Variants in ARHGAP42 observed in about 807,000 individuals in gnomAD.
The protein encoded by ARHGAP42 is rho GTPase-activating protein 42.
Under a neutral mutation model 125.0 loss-of-function variants are expected in ARHGAP42, and 63 were observed. The ratio of observed to expected loss-of-function variants is 0.50; its 90% CI spans 0.41 to 0.62. ARHGAP42 has a LOEUF of 0.62. Ranked by LOEUF, ARHGAP42 falls within the 20% of genes least tolerant of loss-of-function variation. The pLI is 0.00. For missense variants in ARHGAP42, 766 were observed against 1,024.2 expected (o/e 0.75, Z 3.44); for synonymous variants, 339 against 351.0 (o/e 0.97, Z 0.38).
At chr11:100,831,122 G>C (rs925771679) in intron 3 of ARHGAP42, among the ~76,000 whole-genome samples, 2 of 152,028 alleles carry the variant, frequency 1.3e-5, no homozygotes, top group African/African-American at 4.8e-5. Context: ...TTCTAATCAC[G>C]TGAGCTTGGG....
intron 2 of ARHGAP42, among the ~76,000 whole-genome samples, chr11:100,787,819 A>T (rs1355894127): frequency 2.0e-5 from 3 of 152,194 alleles, no homozygotes; most frequent in Non-Finnish European, 4.4e-5. Context: ...GGGAAAGCAT[A>T]AAGAAATCCC....
intron 3 of ARHGAP42, among the ~76,000 whole-genome samples, chr11:100,802,015 T>A (rs1042548264): frequency 6.6e-6 from 1 of 152,222 alleles, no homozygotes; most frequent in East Asian, 1.9e-4. Context: ...CTTAAATGAT[T>A]TGGGTTAGAA....
At chr11:100,979,557 G>C (rs1858478643) in intron 22 of ARHGAP42, among the ~76,000 whole-genome samples, 1 of 152,122 alleles carries the variant, frequency 6.6e-6, no homozygotes, top group African/African-American at 2.4e-5. Context: ...AAGGATATGA[G>C]TTGTTACATC....
chr11:100,807,746 T>A (rs1591197433), intron 3 of ARHGAP42, among the ~76,000 whole-genome samples: 1 of 152,232 alleles, frequency 6.6e-6, no homozygotes, highest in East Asian at 1.9e-4. Flanking sequence ...TCTTTCATTT[T>A]CCTGCCTTTG....
intron 4 of ARHGAP42, among the ~76,000 whole-genome samples, chr11:100,861,060 A>G (rs1402198771): frequency 6.6e-6 from 1 of 152,220 alleles, no homozygotes; most frequent in Non-Finnish European, 1.5e-5. Context: ...ATTGCGATGC[A>G]AAAGTGCTTC....
intron 3 of ARHGAP42, among the ~76,000 whole-genome samples, chr11:100,795,597 G>A (rs1298233357): frequency 6.6e-6 from 1 of 152,178 alleles, no homozygotes; most frequent in Non-Finnish European, 1.5e-5. Context: ...GAACCCTGAA[G>A]GTTGGGAGAA....
intron 1 of ARHGAP42, among the ~76,000 whole-genome samples, chr11:100,701,522 T>C (rs1861396362): frequency 6.6e-6 from 1 of 152,254 alleles, no homozygotes. Flanking sequence ...CTAGAGAGCT[T>C]GCTGCAGCGT....
intron 1 of ARHGAP42, among the ~76,000 whole-genome samples, chr11:100,702,180 C>T (rs779905894): frequency 2.6e-5 from 4 of 152,070 alleles, no homozygotes; most frequent in Non-Finnish European, 5.9e-5. Context: ...TGCAAATCTT[C>T]CTTTCATTTG....
intron 12 of ARHGAP42, 120 bp from the exon 13 acceptor site, chr11:100,959,763 T>C: frequency 1.1e-6 from 1 of 884,210 alleles, no homozygotes; most frequent in Non-Finnish European, 1.8e-6. Context: ...CCAAAATATT[T>C]GGAAGACTCA....
At chr11:100,840,575 G>A (rs1179550089) in intron 3 of ARHGAP42, 2 of 152,038 alleles carry the variant, frequency 1.3e-5, no homozygotes, top group African/African-American at 4.8e-5. Flanking sequence ...ATCAAAAAGG[G>A]TACATATGAC....
chr11:100,813,143 C>T (rs187577776), intron 3 of ARHGAP42, among the ~76,000 whole-genome samples: 115 of 152,214 alleles, frequency 7.6e-4, no homozygotes, highest in African/African-American at 6.5e-4. Flanking sequence ...GAAAGGGAGG[C>T]GGCAATGATG....
At position 100,703,062 on chromosome 11, in the gene ARHGAP42, G is replaced by A. The variant is rs190982373; in HGVS notation, c.154+15230G>A. 2.7e-3 allele frequency among the ~76,000 whole-genome samples: 412 copies of A among 152,292 alleles called. 2 individuals are homozygous for A. The highest frequency in any genetic ancestry group is 1.6e-3 in the Non-Finnish European group (107 of 68,026). ...ATTTTACTAAGAGCATGAGATGGAA[G>A]AGTATTTTGAATATCTGTATAGTAA... On this transcript the variant is annotated intron_variant, in intron 1 of 23. Coordinates refer to ENST00000298815, the MANE Select transcript of ARHGAP42 (RefSeq NM_152432.4).
intron 3 of ARHGAP42, among the ~76,000 whole-genome samples, chr11:100,811,861 A>C (rs1249777565): frequency 6.6e-6 from 1 of 152,188 alleles, no homozygotes; most frequent in Admixed American, 6.5e-5. Flanking sequence ...GTCAATGATT[A>C]GCCCTGAGTT....
At chr11:100,693,017 A>T (rs1042114521) in intron 1 of ARHGAP42, among the ~76,000 whole-genome samples, 1 of 152,194 alleles carries the variant, frequency 6.6e-6, no homozygotes, top group Admixed American at 6.5e-5. Flanking sequence ...AGCACAAGGA[A>T]AGAATTAAAA....
At chr11:100,916,229 T>A (rs1484651289) in intron 5 of ARHGAP42, among the ~76,000 whole-genome samples, 2 of 152,200 alleles carry the variant, frequency 1.3e-5, no homozygotes, top group Non-Finnish European at 2.9e-5. Flanking sequence ...GGAGTAATAT[T>A]TGTTATGTGA....
chr11:100,777,012 AT>A lies in ARHGAP42; in HGVS notation c.250+6575del, dbSNP rs371904554. ...AAAAAAAAAAAAAAACACGAAGAGC[AT>A]GTCGCATTTTAAAAAAGAAGCTGTT... On this transcript the variant is annotated intron_variant, in intron 2 of 23. Coordinates refer to ENST00000298815, the MANE Select transcript of ARHGAP42 (RefSeq NM_152432.4). 4.1e-3 allele frequency among the ~76,000 whole-genome samples: 618 copies of A among 151,340 alleles called. 3 individuals are homozygous for A. The highest frequency in any genetic ancestry group is 0.015 in the African/African-American group (598 of 41,230).
At chr11:100,943,442 C>T (rs1019646852) in intron 9 of ARHGAP42, among the ~76,000 whole-genome samples, 3 of 151,894 alleles carry the variant, frequency 2.0e-5, no homozygotes, top group Admixed American at 6.6e-5. Flanking sequence ...TAACTTCATA[C>T]GTTTTCTAAA....
chr11:100,882,936 T>A (rs609476), intron 4 of ARHGAP42, among the ~76,000 whole-genome samples: 1 of 152,198 alleles, frequency 6.6e-6, no homozygotes, highest in Non-Finnish European at 1.5e-5. Context: ...ATTTCTGTCA[T>A]GTCTGTCAAA....
chr11:100,718,097 T>C (rs898972565), intron 1 of ARHGAP42, among the ~76,000 whole-genome samples: 9 of 152,208 alleles, frequency 5.9e-5, no homozygotes, highest in African/African-American at 2.2e-4. Context: ...TACATTATCT[T>C]ATGAGTTCAG....
Sources: allele counts gnomAD v4.1 joint callset (sites outside exome capture counted in the v4.1 genomes callset), GRCh38; gene constraint gnomAD v4.1.1; transcripts MANE v1.5; gene names NCBI Gene and HGNC (gene_info 2026-07-23, HGNC 2026-07-21).